Variants in CATSPERB observed in about 807,000 individuals in gnomAD.
The protein encoded by CATSPERB is catsper channel auxiliary subunit beta, also known as cation channel sperm-associated auxiliary subunit beta.
Under a neutral mutation model 128.3 loss-of-function variants are expected in CATSPERB, and 93 were observed. That is an observed-to-expected ratio of 0.72 (90% confidence interval 0.61 to 0.86). The LOEUF (loss-of-function observed/expected upper bound fraction) is 0.86, where lower values mean the gene tolerates loss of function less well. Among genes scored for constraint, CATSPERB ranks in the 40% least tolerant of loss-of-function variants. CATSPERB has a pLI of 0.00. For missense variants in CATSPERB, 1,153 were observed against 1,329.5 expected (o/e 0.87, Z 2.06); for synonymous variants, 381 against 448.8 (o/e 0.85, Z 1.91).
At chr14:91,621,964 T>A (rs1894056497) in intron 18 of CATSPERB, 27 bp from the exon 19 acceptor site, 5 of 1,467,394 alleles carry the variant, frequency 3.4e-6, no homozygotes, top group East Asian at 2.3e-5. Flanking sequence ...AGAGACTTGG[T>A]ATTAAATCAA....
At chr14:91,617,295 T>C (rs1358499807) in intron 20 of CATSPERB, among the ~76,000 whole-genome samples, 1 of 152,226 alleles carries the variant, frequency 6.6e-6, no homozygotes, top group East Asian at 1.9e-4. Flanking sequence ...CTCAACTTAA[T>C]ATTTTTGTGG....
intron 22 of CATSPERB, among the ~76,000 whole-genome samples, chr14:91,595,529 T>C (rs144307973): frequency 1.7e-3 from 259 of 152,248 alleles, no homozygotes; most frequent in African/African-American, 6.1e-3. Context: ...ATCTATGAGT[T>C]GTGTGAATTT....
intron 22 of CATSPERB, among the ~76,000 whole-genome samples, chr14:91,605,503 C>A (rs1301318692): frequency 2.0e-5 from 3 of 152,166 alleles, no homozygotes; most frequent in Non-Finnish European, 4.4e-5. Context: ...TTGCTTAAAA[C>A]CCTAGATGGC....
Position 91,694,151 on chromosome 14 carries a change from C to G in CATSPERB, c.617-672G>C, listed in dbSNP as rs148642650. Among the ~76,000 whole-genome samples the G allele has an allele frequency of 1.7e-4, 26 of 152,152 alleles. No homozygotes were observed. In the East Asian group the frequency reaches 4.8e-3, roughly 28 times the overall value. ...AAATTGTGTGCTTTTTATCCTGTTACTCTGTTATTTGGGCTGGGCATGGTG... is the reference window on the plus strand; with the variant it reads ...AAATTGTGTGCTTTTTATCCTGTTAGTCTGTTATTTGGGCTGGGCATGGTG... On this transcript the variant is annotated intron_variant, in intron 7 of 26. Transcript: ENST00000256343.
intron 5 of CATSPERB, among the ~76,000 whole-genome samples, chr14:91,718,318 C>T (rs971581038): frequency 7.2e-5 from 11 of 152,278 alleles, no homozygotes; most frequent in Middle Eastern, 3.4e-3. Flanking sequence ...ATGGCACTGG[C>T]GCATCTATTG....
intron 15 of CATSPERB, among the ~76,000 whole-genome samples, chr14:91,651,687 T>C (rs906808706): frequency 1.3e-5 from 2 of 152,168 alleles, no homozygotes; most frequent in Non-Finnish European, 2.9e-5. Flanking sequence ...ATTATCTCTG[T>C]GGCGAGTGTG....
chr14:91,688,818 G>T (rs1163149086), intron 10 of CATSPERB, among the ~76,000 whole-genome samples: 1 of 152,130 alleles, frequency 6.6e-6, no homozygotes, highest in East Asian at 1.9e-4. Flanking sequence ...TAATACCTCA[G>T]TGCCAATGAT....
At chr14:91,672,767 CTA>C in intron 13 of CATSPERB, 98 bp downstream of exon 13, 2 of 922,112 alleles carry the variant, frequency 2.2e-6, no homozygotes, top group Non-Finnish European at 3.2e-6. Flanking sequence ...TTTATAGGTT[CTA>C]TTGCCAGACA....
At chr14:91,599,480 A>G (rs1893570796) in intron 22 of CATSPERB, among the ~76,000 whole-genome samples, 2 of 142,120 alleles carry the variant, frequency 1.4e-5, no homozygotes, top group Non-Finnish European at 1.5e-5. Context: ...AATGGCGTGA[A>G]CCTGGGAAGC....
chr14:91,625,951 C>G (rs1379734338), intron 17 of CATSPERB, among the ~76,000 whole-genome samples: 1 of 152,074 alleles, frequency 6.6e-6, no homozygotes, highest in African/African-American at 2.4e-5. Flanking sequence ...ATGGTGAAAC[C>G]CTATCTTTAC....
chr14:91,580,979 C>T lies in CATSPERB; in HGVS notation c.3261G>A (p.Arg1087=), dbSNP rs574340931. 17 of 1,614,140 alleles carry T rather than the reference C, an allele frequency of 1.1e-5. No individual in the cohort carries two copies. The African/African-American group carries it at 2.1e-4, about 20-fold the overall frequency. The change falls in exon 27 of 27, where the codon AGG becomes AGA. Residue 1087 remains arginine (R), a synonymous_variant. Coordinates refer to ENST00000256343, the MANE Select transcript of CATSPERB (RefSeq NM_024764.4). ...MFQLQGIHPW[R]TFQRWIRRNQ... ...TTCTTCTAATCCATCTTTGGAATGT[C>T]CTCCACGGATGGATGCCTTGCAGTT...
intron 22 of CATSPERB, among the ~76,000 whole-genome samples, chr14:91,595,671 G>A (rs1195234955): frequency 1.3e-5 from 2 of 152,112 alleles, no homozygotes; most frequent in Non-Finnish European, 2.9e-5. Context: ...GTTTCCCAAG[G>A]GCTTTATTGG....
intron 19 of CATSPERB, among the ~76,000 whole-genome samples, chr14:91,618,685 A>G (rs902622559): frequency 6.6e-6 from 1 of 152,212 alleles, no homozygotes; most frequent in African/African-American, 2.4e-5. Context: ...CCTGCAGGCC[A>G]CCTGTTTGCA....
chr14:91,686,539 A>G (rs1895378592), intron 10 of CATSPERB, among the ~76,000 whole-genome samples: 1 of 151,058 alleles, frequency 6.6e-6, no homozygotes, highest in Admixed American at 6.6e-5. Context: ...CCCTCCCTCC[A>G]CTCCCCAATC....
intron 17 of CATSPERB, among the ~76,000 whole-genome samples, chr14:91,635,077 G>C (rs2139801330): frequency 6.6e-6 from 1 of 151,934 alleles, no homozygotes; most frequent in East Asian, 2.0e-4. Flanking sequence ...GGCCTAGCTG[G>C]CTCTGTCCTT....
chr14:91,658,247 T>G (rs1179652281), intron 15 of CATSPERB, among the ~76,000 whole-genome samples: 1 of 152,168 alleles, frequency 6.6e-6, no homozygotes, highest in Non-Finnish European at 1.5e-5. Context: ...TGATTGGAAC[T>G]GGAGGACATG....
At chr14:91,628,740 C>A (rs1894215606) in intron 17 of CATSPERB, among the ~76,000 whole-genome samples, 1 of 152,158 alleles carries the variant, frequency 6.6e-6, no homozygotes, top group Non-Finnish European at 1.5e-5. Context: ...TTATAAATTA[C>A]CCAGTTTCAG....
intron 10 of CATSPERB, among the ~76,000 whole-genome samples, chr14:91,688,819 T>C (rs1895418613): frequency 6.6e-6 from 1 of 152,328 alleles, no homozygotes; most frequent in Admixed American, 6.5e-5. Flanking sequence ...AATACCTCAG[T>C]GCCAATGATG....
At chr14:91,708,809 G>T (rs891196973) in intron 5 of CATSPERB, among the ~76,000 whole-genome samples, 4 of 152,170 alleles carry the variant, frequency 2.6e-5, no homozygotes. Flanking sequence ...TAAAAGACTA[G>T]ATTTGACAGA....
Sources: allele counts gnomAD v4.1 joint callset (sites outside exome capture counted in the v4.1 genomes callset), GRCh38; gene constraint gnomAD v4.1.1; transcripts MANE v1.5; gene names NCBI Gene and HGNC (gene_info 2026-07-23, HGNC 2026-07-21).